FAM135B: variants seen among roughly 807,000 people sequenced by gnomAD.
FAM135B encodes the protein protein FAM135B.
FAM135B carries 43 observed loss-of-function variants against 127.7 expected under a neutral mutation model. The observed-to-expected ratio is 0.34, with a 90% confidence interval of 0.26 to 0.43. FAM135B has a LOEUF of 0.43. FAM135B is among the 20% of genes least tolerant of loss of function. FAM135B has a pLI of 1.00. For missense variants in FAM135B, 1,558 were observed against 1,725.6 expected (o/e 0.90, Z 1.72); for synonymous variants, 670 against 665.1 (o/e 1.01, Z -0.11).
chr8:138,480,809 A>G (rs1201977266), intron 1 of FAM135B, among the ~76,000 whole-genome samples: 2 of 152,200 alleles, frequency 1.3e-5, no homozygotes, highest in Non-Finnish European at 2.9e-5. Context: ...CAGCTTTGGA[A>G]TCAGATGCCT....
At chr8:138,271,801 T>C (rs1277955244) in intron 3 of FAM135B, among the ~76,000 whole-genome samples, 1 of 152,162 alleles carries the variant, frequency 6.6e-6, no homozygotes, top group Admixed American at 6.6e-5. Context: ...TACAAAATGG[T>C]TTTGTTAATT....
intron 1 of FAM135B, among the ~76,000 whole-genome samples, chr8:138,381,459 T>A (rs562153016): frequency 6.6e-6 from 1 of 152,208 alleles, no homozygotes; most frequent in African/African-American, 2.4e-5. Context: ...CTTGTGCATG[T>A]CAAAATAGCC....
At chr8:138,383,208 G>T (rs1375417589) in intron 1 of FAM135B, among the ~76,000 whole-genome samples, 1 of 152,142 alleles carries the variant, frequency 6.6e-6, no homozygotes, top group African/African-American at 2.4e-5. Flanking sequence ...GATGTCCAGG[G>T]GTACCCAGTG....
intron 7 of FAM135B, among the ~76,000 whole-genome samples, chr8:138,201,264 A>G (rs1164510831): frequency 6.6e-6 from 1 of 152,250 alleles, no homozygotes; most frequent in Non-Finnish European, 1.5e-5. Flanking sequence ...CATTAAAGGT[A>G]GCAAGGAATC....
At chr8:138,432,693 C>T (rs191522275) in intron 1 of FAM135B, among the ~76,000 whole-genome samples, 37 of 152,160 alleles carry the variant, frequency 2.4e-4, no homozygotes, top group African/African-American at 8.4e-4. Context: ...ATATTTTGCT[C>T]TTTCATCTTC....
At chr8:138,321,381 C>A (rs1030289315) in intron 2 of FAM135B, among the ~76,000 whole-genome samples, 1 of 152,156 alleles carries the variant, frequency 6.6e-6, no homozygotes. Flanking sequence ...TTTGGTGGGA[C>A]ACGTTTCAGG....
At chr8:138,479,427 T>C (rs1814679652) in intron 1 of FAM135B, among the ~76,000 whole-genome samples, 1 of 152,166 alleles carries the variant, frequency 6.6e-6, no homozygotes, top group African/African-American at 2.4e-5. Context: ...TCTAGGGGCT[T>C]TCCAAAAGTC....
At chr8:138,475,896 C>T (rs1186031351) in intron 1 of FAM135B, among the ~76,000 whole-genome samples, 1 of 152,176 alleles carries the variant, frequency 6.6e-6, no homozygotes, top group African/African-American at 2.4e-5. Context: ...TATGTCCACA[C>T]AAAAATCTGC....
At chr8:138,419,627 A>T (rs749101051) in intron 1 of FAM135B, among the ~76,000 whole-genome samples, 1 of 152,188 alleles carries the variant, frequency 6.6e-6, no homozygotes, top group Non-Finnish European at 1.5e-5. Flanking sequence ...TTCTCAACAA[A>T]TTTTTAAAAA....
intron 1 of FAM135B, among the ~76,000 whole-genome samples, chr8:138,443,018 G>T (rs1262338347): frequency 6.6e-6 from 1 of 152,108 alleles, no homozygotes; most frequent in African/African-American, 2.4e-5. Flanking sequence ...TGAGGCTGCT[G>T]CTACTGATGA....
intron 7 of FAM135B, among the ~76,000 whole-genome samples, chr8:138,218,781 AGAGAGAGAGAGAGAGAGAGAGAGG>A (rs1818779270): frequency 1.8e-5 from 2 of 112,998 alleles, no homozygotes; most frequent in African/African-American, 6.2e-5. Flanking sequence ...AGAGAGAGAG[AGAGAGAGAGAGAGAGAGAGAGAGG>A]GAGAGAAAGA....
At chr8:138,333,057 G>GA (rs1179733820) in intron 2 of FAM135B, among the ~76,000 whole-genome samples, 16 of 152,038 alleles carry the variant, frequency 1.1e-4, no homozygotes, top group South Asian at 2.1e-4. Flanking sequence ...AAATATTTGG[G>GA]AAAAAAATCA....
At chr8:138,474,500 T>A (rs930487842) in intron 1 of FAM135B, among the ~76,000 whole-genome samples, 1 of 152,168 alleles carries the variant, frequency 6.6e-6, no homozygotes, top group Non-Finnish European at 1.5e-5. Flanking sequence ...ATTCCAGGTA[T>A]AAAAGATGCA....
intron 4 of FAM135B, among the ~76,000 whole-genome samples, chr8:138,257,344 T>C (rs977959604): frequency 2.0e-5 from 3 of 152,180 alleles, no homozygotes. Flanking sequence ...TATTTAACCA[T>C]TGTCACTTTA....
At chr8:138,287,110 A>T (rs1203615204) in intron 3 of FAM135B, among the ~76,000 whole-genome samples, 2 of 152,226 alleles carry the variant, frequency 1.3e-5, no homozygotes, top group Non-Finnish European at 2.9e-5. Context: ...AACTTAAAAG[A>T]CAAGCTACAG....
chr8:138,143,139 G>A (rs779840575), intron 15 of FAM135B, 30 bp from the exon 16 acceptor site: 1 of 1,317,536 alleles, frequency 7.6e-7, no homozygotes, highest in Non-Finnish European at 1.1e-6. Context: ...CAGGTGTTGG[G>A]TATGGTTGTG....
intron 1 of FAM135B, among the ~76,000 whole-genome samples, chr8:138,488,332 G>GT (rs11381895): frequency 1 from 152,251 of 152,292 alleles, 76,106 homozygotes; most frequent in Middle Eastern, 1. Flanking sequence ...TCCTTGCACC[G>GT]GGGAGGTCAC....
At chr8:138,406,907 C>A (rs1209515783) in intron 1 of FAM135B, among the ~76,000 whole-genome samples, 1 of 151,388 alleles carries the variant, frequency 6.6e-6, no homozygotes, top group Non-Finnish European at 1.5e-5. Flanking sequence ...AAGTTCTGGC[C>A]AGGGCAATTA....
chr8:138,337,211 C>T (rs1828668849), intron 2 of FAM135B, among the ~76,000 whole-genome samples: 3 of 151,366 alleles, frequency 2.0e-5, no homozygotes. Context: ...ACAGGGATGC[C>T]CTCTCTCACC....
Sources: gnomAD v4.1 joint callset for allele counts (sites outside exome capture counted in the v4.1 genomes callset) on GRCh38, gnomAD v4.1.1 for gene constraint, MANE v1.5 for transcripts, NCBI Gene and HGNC (gene_info 2026-07-23, HGNC 2026-07-21) for gene names.